Variants in RASSF8 observed in about 807,000 individuals in gnomAD.
RASSF8 encodes ras association domain-containing protein 8.
A neutral mutation model predicts 48.5 loss-of-function variants in RASSF8; 22 were observed. The observed-to-expected ratio is 0.45, with a 90% CI of 0.32 to 0.65. The LOEUF (loss-of-function observed/expected upper bound fraction) is 0.65, where lower values mean the gene tolerates loss of function less well. RASSF8 is among the 30% of genes least tolerant of loss of function. RASSF8 has a pLI of 0.03. For missense variants in RASSF8, 418 were observed against 489.2 expected (o/e 0.85, Z 1.37); for synonymous variants, 127 against 171.5 (o/e 0.74, Z 2.03).
At chr12:25,988,327 T>C (rs535137813) in intron 1 of RASSF8, among the ~76,000 whole-genome samples, 39 of 152,286 alleles carry the variant, frequency 2.6e-4, no homozygotes, top group African/African-American at 9.4e-4. Flanking sequence ...TGTCAGGTCT[T>C]TAAAAGCAAT....
chr12:26,016,058 A>T (rs10459081), intron 2 of RASSF8, among the ~76,000 whole-genome samples: 56,947 of 151,904 alleles, frequency 0.37, 11,328 homozygotes, highest in Non-Finnish European at 0.45. Flanking sequence ...TAATCTCTAA[A>T]ATTGGAGACT....
chr12:25,979,617 A>G (rs1282169638), intron 1 of RASSF8, among the ~76,000 whole-genome samples: 1 of 152,178 alleles, frequency 6.6e-6, no homozygotes, highest in African/African-American at 2.4e-5. Flanking sequence ...TTTATTCCCC[A>G]TTTTACTTCT....
chr12:26,002,636 G>T (rs1051373115), intron 2 of RASSF8, among the ~76,000 whole-genome samples: 1 of 152,090 alleles, frequency 6.6e-6, no homozygotes, highest in Non-Finnish European at 1.5e-5. Flanking sequence ...TTAGCCAAGC[G>T]TGGTGGCGCA....
At chr12:26,078,913 A>C in intron 5 of RASSF8, 10 of 868,534 alleles carry the variant, frequency 1.2e-5, no homozygotes, top group Non-Finnish European at 1.6e-5. Flanking sequence ...AAAAGGCGCT[A>C]ACCGAAAAGA....
intron 2 of RASSF8, among the ~76,000 whole-genome samples, chr12:26,006,835 T>C (rs1037742259): frequency 6.6e-6 from 1 of 152,190 alleles, no homozygotes; most frequent in Admixed American, 6.5e-5. Context: ...TTTCTTAGCT[T>C]TAGTTCTTAC....
At chr12:25,980,177 A>G (rs1216290427) in intron 1 of RASSF8, among the ~76,000 whole-genome samples, 1 of 152,198 alleles carries the variant, frequency 6.6e-6, no homozygotes, top group East Asian at 1.9e-4. Flanking sequence ...CAGTGGGTTT[A>G]TCTTAACAGG....
chr12:26,022,472 G>C (rs1189090967), intron 2 of RASSF8, among the ~76,000 whole-genome samples: 2 of 152,106 alleles, frequency 1.3e-5, no homozygotes, highest in Admixed American at 1.3e-4. Context: ...AAAGAAACAG[G>C]AAAGTGTGCC....
intron 1 of RASSF8, chr12:25,973,869 A>G (rs142300823): frequency 1.3e-4 from 20 of 152,360 alleles, no homozygotes; most frequent in African/African-American, 4.8e-4. Flanking sequence ...ACTGTGAGAA[A>G]TACAAGTTTC....
rs199882278 is a variant in RASSF8, at chr12:26,058,548, A to G, written c.103+3102A>G. Among the ~76,000 whole-genome samples the G allele has an allele frequency of 3.2e-4, 45 of 142,410 alleles. No individual in the cohort carries two copies. The Admixed American group carries it at 3.5e-3, about 11-fold the overall frequency. The allele number at this position is 142,410 out of a possible 152,430, so 93.4% of individuals were successfully genotyped here. Reference sequence around the variant, plus strand: ...TGCGCACGCGCGCGCGCACACACACACACACACACACACAGAGTGTATTCT... The same window carrying G: ...TGCGCACGCGCGCGCGCACACACACGCACACACACACACAGAGTGTATTCT... On this transcript the variant is annotated intron_variant, in intron 3 of 5. Coordinates refer to ENST00000689635, the MANE Select transcript of RASSF8 (RefSeq NM_001394098.1).
chr12:25,984,332 G>C (rs1941820567), intron 1 of RASSF8, among the ~76,000 whole-genome samples: 1 of 147,086 alleles, frequency 6.8e-6, no homozygotes, highest in Non-Finnish European at 1.5e-5. Context: ...TCCTGCTTCA[G>C]CCTTCCAAAG....
chr12:26,069,779 G>A lies in RASSF8; in HGVS notation c.*961G>A, dbSNP rs1943962077. ...CCCGCTTCATATGTATGATCTGTTG[G>A]TGTACACACCATGGGTAAGGTATTG... On this transcript the variant is annotated 3_prime_UTR_variant, in exon 6 of 6. Coordinates refer to ENST00000689635, the MANE Select transcript of RASSF8 (RefSeq NM_001394098.1). 3 of 985,188 alleles carry A rather than the reference G, an allele frequency of 3.0e-6. No individual in the cohort carries two copies. Among genetic ancestry groups the A allele is most frequent in the Non-Finnish European group, 3.6e-6 (3 of 829,748 alleles). 61.0% of individuals were successfully genotyped at this position (985,188 alleles called of 1,614,324 possible).
At chr12:26,063,573 T>C (rs1169756828) in intron 3 of RASSF8, among the ~76,000 whole-genome samples, 3 of 152,262 alleles carry the variant, frequency 2.0e-5, no homozygotes, top group Non-Finnish European at 2.9e-5. Context: ...CTTTTTCATA[T>C]TTTATTTGTA....
chr12:26,027,213 T>G (rs1479641597), intron 2 of RASSF8, among the ~76,000 whole-genome samples: 1 of 152,200 alleles, frequency 6.6e-6, no homozygotes, highest in Non-Finnish European at 1.5e-5. Context: ...CAGTGAATGC[T>G]AATAGGTATG....
chr12:26,067,452 T>A (rs1002839926), intron 4 of RASSF8, 117 bp from the exon 5 acceptor site: 3 of 1,129,650 alleles, frequency 2.7e-6, no homozygotes, highest in Admixed American at 2.6e-5. Context: ...TTAAATGTGC[T>A]TTTATGAAAG....
At chr12:25,999,330 T>C (rs976014856) in intron 2 of RASSF8, among the ~76,000 whole-genome samples, 3 of 152,224 alleles carry the variant, frequency 2.0e-5, no homozygotes, top group African/African-American at 4.8e-5. Context: ...GCACTTTCTA[T>C]GGGAAGTATC....
intron 2 of RASSF8, among the ~76,000 whole-genome samples, chr12:26,014,411 C>T (rs559510456): frequency 1.3e-5 from 2 of 152,196 alleles, no homozygotes; most frequent in South Asian, 4.1e-4. Context: ...TAACTTTCTC[C>T]CAATATGTTT....
chr12:26,030,775 T>C (rs1943014176), intron 2 of RASSF8, among the ~76,000 whole-genome samples: 1 of 152,118 alleles, frequency 6.6e-6, no homozygotes, highest in East Asian at 1.9e-4. Context: ...AAGTATTTCC[T>C]CACCCATACT....
chr12:25,959,193 G>A (rs1941163478), intron 1 of RASSF8, 45 bp downstream of exon 1: 1 of 152,248 alleles, frequency 6.6e-6, no homozygotes, highest in African/African-American at 2.4e-5. Flanking sequence ...GGCTGCGCCG[G>A]GGACCCCGCC....
At chr12:25,987,736 T>C (rs1002850474) in intron 1 of RASSF8, among the ~76,000 whole-genome samples, 4 of 152,230 alleles carry the variant, frequency 2.6e-5, no homozygotes, top group African/African-American at 9.6e-5. Context: ...TAGAATATTA[T>C]TCACTTTCTA....
Sources: allele counts gnomAD v4.1 joint callset (sites outside exome capture counted in the v4.1 genomes callset), GRCh38; gene constraint gnomAD v4.1.1; transcripts MANE v1.5; gene names NCBI Gene and HGNC (gene_info 2026-07-23, HGNC 2026-07-21).